Variants in CCDC39 observed in about 807,000 individuals in gnomAD.
CCDC39 encodes the protein coiled-coil domain-containing protein 39.
A neutral mutation model predicts 121.0 loss-of-function variants in CCDC39; 113 were observed. That is an observed-to-expected ratio of 0.93 (90% CI 0.80 to 1.09). The LOEUF (loss-of-function observed/expected upper bound fraction) is 1.09. CCDC39 is among the 50% of genes least tolerant of loss of function. The pLI, the probability that CCDC39 is intolerant of heterozygous loss-of-function variation, is 0.00. For missense variants in CCDC39, 1,063 were observed against 1,074.7 expected, an observed-to-expected ratio of 0.99 and a Z score of 0.15; for synonymous variants, 349 against 352.2, an observed-to-expected ratio of 0.99 and a Z score of 0.10.
Position 180,679,300 on chromosome 3 carries a change from C to T in CCDC39, c.81G>A (p.Leu27=), listed in dbSNP as rs1712325226. The part of the protein sequence containing the change: ...IPVANEENKL[L]EDQLSKLKDE... ...CTTCAATTGATCTCACCTGATCTTC[C>T]AGTAGCTTGTTCTCCTCGTTCGCCA... The change falls in exon 1 of 20, where the codon CTG becomes CTA. Residue 27 remains leucine (L), a synonymous_variant. Coordinates refer to ENST00000476379, the MANE Select transcript of CCDC39 (RefSeq NM_181426.2). This position sits in a 1 kb window ranked among gnomAD's most constrained non-coding sequence, Gnocchi z 4.0. 1.2e-6 allele frequency: 2 copies of T among 1,613,736 alleles called. No homozygotes were observed. The highest frequency in any genetic ancestry group is 1.3e-5 in the African/African-American group (1 of 75,040).
At chr3:180,623,180 T>G (rs1025667180) in intron 14 of CCDC39, among the ~76,000 whole-genome samples, 1 of 151,268 alleles carries the variant, frequency 6.6e-6, no homozygotes, top group Admixed American at 6.6e-5. Context: ...TGGTTCAACC[T>G]TGGGAGGGTG....
At chr3:180,633,917 G>T (rs1054325135) in intron 13 of CCDC39, among the ~76,000 whole-genome samples, 3 of 152,096 alleles carry the variant, frequency 2.0e-5, no homozygotes, top group African/African-American at 7.2e-5. Flanking sequence ...GTAGTGGCCT[G>T]GAGTGTCCTG....
chr3:180,674,234 G>A (rs1712129197), intron 1 of CCDC39, among the ~76,000 whole-genome samples: 1 of 152,064 alleles, frequency 6.6e-6, no homozygotes, highest in African/African-American at 2.4e-5. Flanking sequence ...TATTCTCTTT[G>A]AAGCAATTGT....
In CCDC39 at chr3:180,651,363, T is replaced by G. The variant is rs370390544; in HGVS notation, c.1167+38A>C. ...TCTAATTAATTCACTGTTGCTAAAT[T>G]TTCTGTGATTTAAAGAAAAATTAAA... On this transcript the variant is annotated intron_variant, in intron 9 of 19. Transcript: ENST00000476379. The G allele has an allele frequency of 8.3e-5, 126 of 1,512,900 alleles. 1 individual carries two copies. In the African/African-American group the frequency reaches 1.6e-3, roughly 19 times the overall value. The allele number at this position is 1,512,900 out of a possible 1,614,324, so 93.7% of individuals were successfully genotyped here. A position where few individuals can be genotyped will look rare whatever the true frequency, so the allele number is the denominator to read the frequency against.
chr3:180,660,697 T>C lies in CCDC39; in HGVS notation c.389A>G (p.Asp130Gly), dbSNP rs781232118. The C allele has an allele frequency of 1.9e-6, 3 of 1,602,636 alleles. No individual in the cohort carries two copies. The highest frequency in any genetic ancestry group is 2.7e-5 in the African/African-American group (2 of 74,736). The change falls in exon 4 of 20, where the codon GAT (aspartate) becomes GGT (glycine). Residue 130 changes from aspartate to glycine, a missense_variant. Physicochemically the swap from Asp to Gly is moderately conservative, Grantham distance 94. Transcript: ENST00000476379. ...NGIFKATQKL[D>G]GLKCQMNWDQ... ...CCAGTTCATTTGACATTTCAAACCA[T>C]CCAATTTTTGAGTGGCTTTAAATAT...
At chr3:180,625,998 G>A (rs1167525222) in intron 14 of CCDC39, among the ~76,000 whole-genome samples, 1 of 152,024 alleles carries the variant, frequency 6.6e-6, no homozygotes, top group African/African-American at 2.4e-5. Flanking sequence ...GGAATGGTGG[G>A]CCCGACATGC....
At chr3:180,652,633 T>C (rs1711507565) in intron 7 of CCDC39, among the ~76,000 whole-genome samples, 1 of 152,146 alleles carries the variant, frequency 6.6e-6, no homozygotes, top group African/African-American at 2.4e-5. Context: ...CAAAAGATTC[T>C]AATATATCAG....
intron 13 of CCDC39, among the ~76,000 whole-genome samples, chr3:180,638,698 G>A (rs892009547): frequency 2.5e-4 from 38 of 152,166 alleles, no homozygotes; most frequent in African/African-American, 9.1e-4. Flanking sequence ...TACTCTTTAG[G>A]AAGGGGAAAA....
At chr3:180,620,354 C>T (rs1717401035) in intron 14 of CCDC39, among the ~76,000 whole-genome samples, 1 of 151,224 alleles carries the variant, frequency 6.6e-6, no homozygotes, top group Admixed American at 6.6e-5. Context: ...GGTTCAGGAA[C>T]ACTTTATTTC....
chr3:180,625,060 G>A (rs866885924), intron 14 of CCDC39, among the ~76,000 whole-genome samples: 6 of 151,988 alleles, frequency 3.9e-5, no homozygotes, highest in South Asian at 2.1e-4. Flanking sequence ...GTGTCTCGGC[G>A]TCTAACTCTC....
intron 6 of CCDC39, 25 bp downstream of exon 6, chr3:180,659,427 T>G (rs371245825): frequency 1.2e-5 from 19 of 1,611,864 alleles, no homozygotes; most frequent in Non-Finnish European, 1.5e-5. Flanking sequence ...AGCTGAACAT[T>G]ACAAGGACCA....
chr3:180,655,758 T>C (rs1711563851), intron 6 of CCDC39, among the ~76,000 whole-genome samples: 1 of 152,044 alleles, frequency 6.6e-6, no homozygotes, highest in Admixed American at 6.6e-5. Flanking sequence ...AGGGCCAAAT[T>C]GTGAAAAAAT....
At chr3:180,670,313 G>T (rs1326174160) in intron 1 of CCDC39, among the ~76,000 whole-genome samples, 1 of 124,024 alleles carries the variant, frequency 8.1e-6, no homozygotes, top group Non-Finnish European at 1.7e-5. Context: ...TATGGAAGGG[G>T]TGTGTGTGTG....
At chr3:180,646,011 A>G (rs1178874629) in intron 11 of CCDC39, among the ~76,000 whole-genome samples, 1 of 152,118 alleles carries the variant, frequency 6.6e-6, no homozygotes, top group Non-Finnish European at 1.5e-5. Flanking sequence ...ACAATACCAC[A>G]TATTGAGTAC....
At chr3:180,644,304 CA>C in intron 11 of CCDC39, 47 bp from the exon 12 acceptor site, 1 of 1,172,562 alleles carries the variant, frequency 8.5e-7, no homozygotes, top group South Asian at 1.5e-5. Context: ...TAAATATTGA[CA>C]AAAATATTAA....
intron 13 of CCDC39, among the ~76,000 whole-genome samples, chr3:180,641,741 CAAACCAT>C (rs1054804056): frequency 6.6e-6 from 1 of 152,068 alleles, no homozygotes; most frequent in African/African-American, 2.4e-5. Flanking sequence ...GACTTTACCA[CAAACCAT>C]ACATAAAAAG....
At chr3:180,671,090 T>C (rs1712031690) in intron 1 of CCDC39, among the ~76,000 whole-genome samples, 1 of 151,492 alleles carries the variant, frequency 6.6e-6, no homozygotes, top group African/African-American at 2.4e-5. Context: ...TATGCACCTG[T>C]AATCCCACCT....
In CCDC39 at chr3:180,616,667, A is replaced by G; in HGVS notation, c.2435T>C (p.Leu812Pro). The part of the protein sequence containing the change: ...QCAKLTKEIR[L>P]LKDTKDETME... ...TGTTTCATCTTTTGTGTCTTTCAAA[A>G]GACGGATTTCCTTTGTGAGTTTTGC... The change falls in exon 18 of 20, where the codon CTT (leucine) becomes CCT (proline). Residue 812 changes from leucine to proline, a missense_variant. Leu to Pro is a moderately conservative substitution (Grantham distance 98). Coordinates refer to ENST00000476379, the MANE Select transcript of CCDC39 (RefSeq NM_181426.2). 1 of 1,592,100 alleles carries G rather than the reference A, an allele frequency of 6.3e-7. No individual in the cohort carries two copies. The highest frequency in any genetic ancestry group is 2.3e-5 in the East Asian group (1 of 44,388).
At chr3:180,670,775 G>A (rs1334691615) in intron 1 of CCDC39, among the ~76,000 whole-genome samples, 2 of 151,730 alleles carry the variant, frequency 1.3e-5, no homozygotes, top group Non-Finnish European at 2.9e-5. Context: ...AGTGAAATAT[G>A]AGGTGGGTCT....
Sources: gnomAD v4.1 joint callset for allele counts (sites outside exome capture counted in the v4.1 genomes callset) on GRCh38, gnomAD v4.1.1 for gene constraint, Gnocchi (gnomAD v3.1) non-coding constraint, MANE v1.5 for transcripts, NCBI Gene and HGNC (gene_info 2026-07-23, HGNC 2026-07-21) for gene names.